The following TRPM4 variants were observed in gnomAD, a reference collection of about 807,000 sequenced individuals.
TRPM4 encodes transient receptor potential cation channel subfamily M member 4, also known as calcium-activated non-selective cation channel 1.
A neutral mutation model predicts 135.6 loss-of-function variants in TRPM4; 124 were observed. The observed-to-expected ratio is 0.91, with a 90% CI of 0.79 to 1.06. TRPM4 has a LOEUF of 1.06. TRPM4 is among the 50% of genes least tolerant of loss of function. TRPM4 has a pLI of 0.00. For synonymous variants in TRPM4, 745 were observed against 705.6 expected (o/e 1.06, Z -0.88); for missense variants, 1,658 against 1,671.4 (o/e 0.99, Z 0.14).
chr19:49,203,057 ATTTTT>A (rs1223035518), intron 20 of TRPM4, among the ~76,000 whole-genome samples: 1 of 150,928 alleles, frequency 6.6e-6, no homozygotes, highest in Non-Finnish European at 1.5e-5. Context: ...CGCCCAGCTA[ATTTTT>A]TTGTATTTTT....
At chr19:49,189,612 C>T (rs1332082668) in intron 14 of TRPM4, among the ~76,000 whole-genome samples, 1 of 151,938 alleles carries the variant, frequency 6.6e-6, no homozygotes, top group Non-Finnish European at 1.5e-5. Flanking sequence ...AATCATCTGC[C>T]TTGGGAAGCC....
chr19:49,200,970 C>T (rs557583215), intron 19 of TRPM4, among the ~76,000 whole-genome samples, 185 bp downstream of exon 19: 1 of 152,088 alleles, frequency 6.6e-6, no homozygotes, highest in East Asian at 1.9e-4. Context: ...TACCCCACCC[C>T]CTCTGTCTTT....
intron 2 of TRPM4, among the ~76,000 whole-genome samples, 190 bp from the exon 3 acceptor site, chr19:49,165,850 AG>A (rs983643672): frequency 1.3e-5 from 2 of 152,120 alleles, no homozygotes; most frequent in African/African-American, 4.8e-5. Context: ...CCGTGGGGAA[AG>A]GGGACCGTCC....
In TRPM4 at chr19:49,179,737, G is replaced by A. The variant is rs77390472; in HGVS notation, c.1151-1612G>A. On this transcript the variant is annotated intron_variant, in intron 9 of 24. Transcript: ENST00000252826. ...GAGCTTCATAGAATCGTAGAAAGTC[G>A]TGGAAAAGTCCGCTCTGAATGGACG... is the stretch of plus-strand genomic sequence containing the variant. 6.3e-3 allele frequency among the ~76,000 whole-genome samples: 966 copies of A among 152,322 alleles called. 14 individuals are homozygous for A. Among genetic ancestry groups the A allele is most frequent in the Middle Eastern group, 0.027 (8 of 294 alleles).
Position 49,183,132 on chromosome 19 carries a change from G to T in TRPM4, c.1663G>T (p.Gly555Trp), listed in dbSNP as rs1182391826. Reference sequence around the variant, plus strand: ...GCCGCTCTCGCTGGATGCTGGCCTCGGGCAGGCCCCCTGGAGCGACCTGCT... The same window carrying T: ...GCCGCTCTCGCTGGATGCTGGCCTCTGGCAGGCCCCCTGGAGCGACCTGCT... ...TSPLSLDAGL[G>W]QAPWSDLLLW... The change falls in exon 12 of 25, where the codon GGG becomes TGG. Residue 555 changes from glycine to tryptophan, a missense_variant. Gly to Trp is a radical substitution (Grantham distance 184, BLOSUM62 -2). This residue lies in a region of TRPM4 where 1,412 missense variants were observed against 1,408.7 expected (regional missense o/e 1.00). Transcript: ENST00000252826. 6.2e-7 allele frequency: 1 copy of T among 1,613,782 alleles called. No homozygotes were observed. Among genetic ancestry groups the T allele is most frequent in the Non-Finnish European group, 8.5e-7 (1 of 1,180,022 alleles).
chr19:49,177,856 C>G (rs1239046740), intron 9 of TRPM4, among the ~76,000 whole-genome samples: 5 of 152,088 alleles, frequency 3.3e-5, no homozygotes, highest in Non-Finnish European at 7.4e-5. Flanking sequence ...TTGCAAGGGG[C>G]ATGTTTGGAG....
At position 49,201,846 on chromosome 19, in the gene TRPM4, C is replaced by CTCCCACCTCAGGTGATCTCACCTCAGGTG; in HGVS notation, c.2954-118_2954-117insTCCCACCTCAGGTGATCTCACCTCAGGTG. The CTCCCACCTCAGGTGATCTCACCTCAGGTG allele has an allele frequency of 2.9e-6, 3 of 1,034,604 alleles. No individual in the cohort carries two copies. In the South Asian group the frequency reaches 3.8e-5, roughly 13 times the overall value. 64.1% of individuals were successfully genotyped at this position (1,034,604 alleles called of 1,614,324 possible). On this transcript the variant is annotated intron_variant, in intron 19 of 24. Transcript: ENST00000252826. ...AACTCCCCACCTCAGGTGATCCGGC[C>CTCCCACCTCAGGTGATCTCACCTCAGGTG]ATCTCAGCCTCCCAAAAGTGCTGGG...
Position 49,203,218 on chromosome 19 carries a change from CG to C in TRPM4, c.3131+1078del, listed in dbSNP as rs1461624489. Reference sequence around the variant, plus strand: ...TTTTTGAGATGGAGTCTCGCTCTGTCGCCCAGGCTGGAGTGCAATGGTGCAA... The same window carrying C: ...TTTTTGAGATGGAGTCTCGCTCTGTCCCCAGGCTGGAGTGCAATGGTGCAA... On this transcript the variant is annotated intron_variant, in intron 20 of 24. Transcript: ENST00000252826. 2.0e-5 allele frequency among the ~76,000 whole-genome samples: 3 copies of C among 150,310 alleles called. No individual in the cohort carries two copies. The East Asian group carries it at 5.9e-4, about 30-fold the overall frequency.
chr19:49,210,175 A>T lies in TRPM4; in HGVS notation c.3132-34A>T. ...CGTCCTTGCCCCTGGCTGGGCCCTGACCTCAAGTGACCTTTGACCTCTGGC... is the reference window on the plus strand; with the variant it reads ...CGTCCTTGCCCCTGGCTGGGCCCTGTCCTCAAGTGACCTTTGACCTCTGGC... On this transcript the variant is annotated intron_variant, in intron 20 of 24. Coordinates refer to ENST00000252826, the MANE Select transcript of TRPM4 (RefSeq NM_017636.4). The surrounding 1 kb of genome is among the most constrained non-coding windows in gnomAD (Gnocchi z 4.1). 1 of 1,613,026 alleles carries T rather than the reference A, an allele frequency of 6.2e-7. No individual in the cohort carries two copies. The highest frequency in any genetic ancestry group is 2.2e-5 in the East Asian group (1 of 44,866).
At chr19:49,190,823 C>A in intron 16 of TRPM4, 50 bp downstream of exon 16, 1 of 1,557,904 alleles carries the variant, frequency 6.4e-7, no homozygotes, top group South Asian at 1.1e-5. Context: ...CTGGGCAGTT[C>A]AGGACATGTG....
intron 9 of TRPM4, among the ~76,000 whole-genome samples, chr19:49,178,558 G>A (rs888557046): frequency 6.6e-6 from 1 of 151,854 alleles, no homozygotes; most frequent in African/African-American, 2.4e-5. Context: ...CTGCGGGTCT[G>A]CCTTATTGAT....
chr19:49,182,608 G>A lies in TRPM4; in HGVS notation c.1294G>A (p.Ala432Thr), dbSNP rs201907325. 558 of 1,613,876 alleles carry A rather than the reference G, an allele frequency of 3.5e-4. 5 individuals are homozygous for A. The Middle Eastern group carries it at 0.017, about 50-fold the overall frequency. The part of the protein sequence containing the change: ...SFHLEASLMD[A>T]LLNDRPEFVR... ...CCATCTCGAAGCTTCCCTCATGGAC[G>A]CCCTGCTGAATGACCGGCCTGAGTT... is the stretch of plus-strand genomic sequence containing the variant. The change falls in exon 11 of 25, where the codon GCC (alanine) becomes ACC (threonine). Residue 432 changes from alanine to threonine, a missense_variant. Ala to Thr is a moderately conservative substitution (Grantham distance 58). Around this residue, in one of 3 missense-constraint regions of TRPM4, gnomAD observed 1,412 missense variants for 1,408.7 expected, o/e 1.00. Coordinates refer to ENST00000252826, the MANE Select transcript of TRPM4 (RefSeq NM_017636.4).
In TRPM4 at chr19:49,210,338, C is replaced by T. The variant is rs777416205; in HGVS notation, c.3261C>T (p.Leu1087=). 4 of 1,614,244 alleles carry T rather than the reference C, an allele frequency of 2.5e-6. No individual in the cohort carries two copies. The highest frequency in any genetic ancestry group is 3.4e-6 in the Non-Finnish European group (4 of 1,180,044). The change falls in exon 21 of 25, where the codon CTC becomes CTT. Residue 1087 remains leucine, a synonymous_variant. Coordinates refer to ENST00000252826, the MANE Select transcript of TRPM4 (RefSeq NM_017636.4). This position sits in a 1 kb window ranked among gnomAD's most constrained non-coding sequence, Gnocchi z 4.1. ...TTATCGTCATCTCCCACTTGCGCCT[C>T]CTGCTCAGGCAATTGTGCAGGCGAC... ...PPFIVISHLR[L]LLRQLCRRPR...
At chr19:49,168,216 G>C (rs773486040) in intron 4 of TRPM4, 44 bp from the exon 5 acceptor site, 8 of 1,613,182 alleles carry the variant, frequency 5.0e-6, no homozygotes, top group Non-Finnish European at 6.8e-6. Context: ...CTTATTCTTT[G>C]TTTCTCTCCC....
intron 20 of TRPM4, among the ~76,000 whole-genome samples, chr19:49,209,943 T>G (rs1303281753): frequency 6.6e-6 from 1 of 152,042 alleles, no homozygotes; most frequent in Middle Eastern, 3.2e-3. Context: ...GAGATGGGGC[T>G]TCACCATGTT....
chr19:49,175,391 T>C (rs1272345879), intron 9 of TRPM4, among the ~76,000 whole-genome samples: 1 of 151,784 alleles, frequency 6.6e-6, no homozygotes, highest in Non-Finnish European at 1.5e-5. Context: ...GTATTTTTAG[T>C]AGAGATGGGG....
rs918235729 is a variant in TRPM4, at chr19:49,196,650, G to A, written c.2421G>A (p.Pro807=). 3.2e-6 allele frequency: 5 copies of A among 1,546,348 alleles called. No individual in the cohort carries two copies. The highest frequency in any genetic ancestry group is 4.3e-6 in the Non-Finnish European group (5 of 1,149,502). The stretch of plus-strand genomic sequence containing the variant: ...GGGTGCTGCTCGTGGATTTCCAGCC[G>A]GCGCCGCCCGGCTCCCTGGAGCTGC... The part of the protein sequence containing the change: ...FSRVLLVDFQ[P]APPGSLELLL... Residue 807 remains proline (P), a synonymous_variant, in exon 17 of 25, where the codon CCG becomes CCA. Transcript: ENST00000252826.
intron 20 of TRPM4, among the ~76,000 whole-genome samples, chr19:49,202,977 G>A (rs1266069996): frequency 7.3e-6 from 1 of 137,040 alleles, no homozygotes; most frequent in African/African-American, 2.8e-5. Flanking sequence ...TACAAGCTCC[G>A]CCACCCGGGT....
chr19:49,201,209 G>A lies in TRPM4; in HGVS notation c.2953+424G>A, dbSNP rs1008592707. On this transcript the variant is annotated intron_variant, in intron 19 of 24. Transcript: ENST00000252826. ...TATAACCTGACGCGTCTATTTTACT[G>A]CTGTGTCTGGTTTTTATTGGCTGGA... Among the ~76,000 whole-genome samples, 6 of 152,102 alleles carry A rather than the reference G, an allele frequency of 3.9e-5. No homozygotes were observed. The East Asian group carries it at 1.2e-3, about 29-fold the overall frequency.
Sources: allele counts gnomAD v4.1 joint callset (sites outside exome capture counted in the v4.1 genomes callset), GRCh38; gene constraint gnomAD v4.1.1; regional missense constraint gnomAD v4.1.1; non-coding constraint Gnocchi (gnomAD v3.1); transcripts MANE v1.5; gene names NCBI Gene and HGNC (gene_info 2026-07-23, HGNC 2026-07-21).